Variants in CPQ observed in about 807,000 individuals in gnomAD.
The protein encoded by CPQ is carboxypeptidase Q, also known as Ser-Met dipeptidase.
CPQ carries 37 observed loss-of-function variants against 45.7 expected under a neutral mutation model. The ratio of observed to expected loss-of-function variants is 0.81; its 90% confidence interval spans 0.62 to 1.07. CPQ has a LOEUF of 1.07. CPQ is among the 50% of genes least tolerant of loss of function. The pLI is 0.00. For synonymous variants in CPQ, 186 were observed against 205.8 expected, an observed-to-expected ratio of 0.90 and a Z score of 0.82; for missense variants, 537 against 572.9, an observed-to-expected ratio of 0.94 and a Z score of 0.64.
At chr8:96,993,801 A>T (rs1267198990) in intron 5 of CPQ, among the ~76,000 whole-genome samples, 1 of 152,174 alleles carries the variant, frequency 6.6e-6, no homozygotes, top group African/African-American at 2.4e-5. Context: ...GTATTATTTC[A>T]TAGTGTATCA....
At chr8:97,012,619 G>A (rs1450495986) in intron 5 of CPQ, among the ~76,000 whole-genome samples, 1 of 152,072 alleles carries the variant, frequency 6.6e-6, no homozygotes, top group Non-Finnish European at 1.5e-5. Context: ...AGATAAACTT[G>A]GGGAGTCTTT....
intron 7 of CPQ, among the ~76,000 whole-genome samples, chr8:97,073,767 G>T (rs939710873): frequency 7.9e-5 from 12 of 152,164 alleles, no homozygotes; most frequent in Admixed American, 5.2e-4. Context: ...AATAGATTAA[G>T]AATAGAGAAA....
At chr8:97,016,168 A>C (rs1809577321) in intron 5 of CPQ, among the ~76,000 whole-genome samples, 1 of 152,206 alleles carries the variant, frequency 6.6e-6, no homozygotes, top group Non-Finnish European at 1.5e-5. Flanking sequence ...CTGATGGAAA[A>C]TTTTGGTGAC....
intron 4 of CPQ, among the ~76,000 whole-genome samples, chr8:96,919,657 A>C (rs574422486): frequency 1.1e-3 from 166 of 152,288 alleles, no homozygotes; most frequent in African/African-American, 3.7e-3. Context: ...TGTGACCTAG[A>C]AAAGATTGGA....
intron 1 of CPQ, among the ~76,000 whole-genome samples, chr8:96,697,400 T>A (rs1156986702): frequency 6.6e-6 from 1 of 152,110 alleles, no homozygotes; most frequent in Non-Finnish European, 1.5e-5. Context: ...ATATGACAGA[T>A]CTATAGCTAG....
intron 1 of CPQ, among the ~76,000 whole-genome samples, chr8:96,701,611 G>A (rs1809462991): frequency 6.6e-6 from 1 of 152,196 alleles, no homozygotes; most frequent in South Asian, 2.1e-4. Context: ...TCAGAAAGAT[G>A]AGGAGGCTCC....
chr8:96,678,578 G>C (rs905104652), intron 1 of CPQ, among the ~76,000 whole-genome samples: 2 of 151,990 alleles, frequency 1.3e-5, no homozygotes, highest in African/African-American at 4.8e-5. Context: ...GCCAGCATTT[G>C]TTATTTTATG....
intron 1 of CPQ, among the ~76,000 whole-genome samples, chr8:96,741,267 T>G (rs911889258): frequency 2.6e-5 from 4 of 152,160 alleles, no homozygotes; most frequent in African/African-American, 9.7e-5. Flanking sequence ...TGCATAGAGG[T>G]GTTTGTAGTA....
chr8:96,839,387 C>T (rs1031499850), intron 3 of CPQ, among the ~76,000 whole-genome samples: 1 of 152,072 alleles, frequency 6.6e-6, no homozygotes, highest in African/African-American at 2.4e-5. Context: ...TTTATTAATG[C>T]TTTTCTAATG....
Position 96,854,557 on chromosome 8 carries a change from A to ACACAC in CPQ, c.641+19377_641+19378insCACAC, listed in dbSNP as rs538425270. ...AAAAAAAAAAAAAAAAAAAAAAAAA[A>ACACAC]AATGTGGTGGAACTAAAAGCCCAGT... On this transcript the variant is annotated intron_variant, in intron 3 of 7. Coordinates refer to ENST00000220763, the MANE Select transcript of CPQ (RefSeq NM_016134.4). Among the ~76,000 whole-genome samples the ACACAC allele has an allele frequency of 1.3e-4, 10 of 76,866 alleles. 2 individuals are homozygous for ACACAC. The highest frequency in any genetic ancestry group is 1.9e-4 in the Non-Finnish European group (7 of 37,194). 50.4% of individuals were successfully genotyped at this position (76,866 alleles called of 152,430 possible).
intron 1 of CPQ, among the ~76,000 whole-genome samples, chr8:96,723,211 G>A (rs1809790897): frequency 1.3e-5 from 2 of 151,952 alleles, no homozygotes. Flanking sequence ...TTAAAAAATT[G>A]GGTCTACTGG....
At chr8:97,106,833 C>CAGTATAGGAAGAAAACGAAAGAGAGGG (rs1811414244) in intron 7 of CPQ, among the ~76,000 whole-genome samples, 2 of 152,028 alleles carry the variant, frequency 1.3e-5, no homozygotes, top group Admixed American at 6.6e-5. Context: ...GAAAGAGAGG[C>CAGTATAGGAAGAAAACGAAAGAGAGGG]CAGTATAGGA....
rs1586367835 is a variant in CPQ at position 96,710,006 on chromosome 8, T to C, written c.-35+64604T>C. ...GATGGATTTCCCCTATGAATCTCTC[T>C]GGCCCTGGGCTTTTTCTTTTGTTGT... On this transcript the variant is annotated intron_variant, in intron 1 of 7. Transcript: ENST00000220763. 2.0e-5 allele frequency among the ~76,000 whole-genome samples: 3 copies of C among 152,264 alleles called. No homozygotes were observed. The South Asian group carries it at 6.2e-4, about 32-fold the overall frequency.
At chr8:96,653,282 T>G (rs974024231) in intron 1 of CPQ, among the ~76,000 whole-genome samples, 3 of 152,044 alleles carry the variant, frequency 2.0e-5, no homozygotes, top group Non-Finnish European at 4.4e-5. Flanking sequence ...GGTGAGATAG[T>G]CTCATTGCAG....
intron 5 of CPQ, among the ~76,000 whole-genome samples, chr8:97,003,901 C>A (rs1453795562): frequency 6.6e-6 from 1 of 152,162 alleles, no homozygotes. Context: ...AGGATATAAG[C>A]ACCTGTCTTT....
chr8:96,681,555 G>A (rs1467213374), intron 1 of CPQ, among the ~76,000 whole-genome samples: 1 of 152,220 alleles, frequency 6.6e-6, no homozygotes. Flanking sequence ...CAGGGGTGAG[G>A]CTGTCATAGA....
At chr8:96,939,715 T>C (rs554038096) in intron 4 of CPQ, among the ~76,000 whole-genome samples, 4 of 152,298 alleles carry the variant, frequency 2.6e-5, no homozygotes, top group African/African-American at 7.2e-5. Context: ...TCCATTCTAC[T>C]GTTGATGGAC....
At chr8:96,767,515 T>C (rs1762209802) in intron 1 of CPQ, among the ~76,000 whole-genome samples, 1 of 151,524 alleles carries the variant, frequency 6.6e-6, no homozygotes, top group Admixed American at 6.6e-5. Context: ...TAAGTTCATC[T>C]TCATCATCCT....
At chr8:96,919,821 G>T (rs186901259) in intron 4 of CPQ, among the ~76,000 whole-genome samples, 47 of 152,232 alleles carry the variant, frequency 3.1e-4, no homozygotes, top group African/African-American at 1.0e-3. Flanking sequence ...CTTTATCAGT[G>T]AAATTTAACT....
Sources: gnomAD v4.1 joint callset for allele counts (sites outside exome capture counted in the v4.1 genomes callset) on GRCh38, gnomAD v4.1.1 for gene constraint, MANE v1.5 for transcripts, NCBI Gene and HGNC (gene_info 2026-07-23, HGNC 2026-07-21) for gene names.